Variants in LRBA observed in about 807,000 individuals in gnomAD.
LRBA encodes LPS responsive beige-like anchor protein.
A neutral mutation model predicts 330.0 loss-of-function variants in LRBA; 176 were observed. The observed-to-expected ratio is 0.53, with a 90% CI of 0.47 to 0.60. The LOEUF (loss-of-function observed/expected upper bound fraction) is 0.60, where lower values mean the gene tolerates loss of function less well. Among genes scored for constraint, LRBA ranks in the 20% least tolerant of loss-of-function variants. The probability of loss-of-function intolerance (pLI) is 0.00; values close to 1 mark genes in which losing one functional copy is unlikely to be tolerated. For synonymous variants in LRBA, 1,230 were observed against 1,193.0 expected (o/e 1.03, Z -0.64); for missense variants, 3,259 against 3,444.8 (o/e 0.95, Z 1.35).
intron 34 of LRBA, among the ~76,000 whole-genome samples, chr4:150,783,986 G>A (rs1324033558): frequency 6.6e-6 from 1 of 152,146 alleles, no homozygotes; most frequent in Non-Finnish European, 1.5e-5. Flanking sequence ...TATGTACTCA[G>A]AGATAAAATC....
At chr4:150,570,200 G>A (rs1449812227) in intron 40 of LRBA, among the ~76,000 whole-genome samples, 2 of 152,190 alleles carry the variant, frequency 1.3e-5, no homozygotes, top group Admixed American at 1.3e-4. Flanking sequence ...ATAAAATACT[G>A]AATGAAATTG....
At chr4:150,384,070 G>C (rs942265014) in intron 47 of LRBA, among the ~76,000 whole-genome samples, 1 of 150,974 alleles carries the variant, frequency 6.6e-6, no homozygotes, top group Non-Finnish European at 1.5e-5. Flanking sequence ...ACAGAGTTTT[G>C]TTCTTGTTGC....
chr4:150,535,862 T>C (rs991782831), intron 40 of LRBA, among the ~76,000 whole-genome samples: 4 of 152,112 alleles, frequency 2.6e-5, no homozygotes, highest in Admixed American at 1.3e-4. Context: ...AGAGGTGGTG[T>C]AGTTAAGAAC....
At chr4:150,622,811 C>T (rs1776439718) in intron 37 of LRBA, among the ~76,000 whole-genome samples, 1 of 151,612 alleles carries the variant, frequency 6.6e-6, no homozygotes, top group African/African-American at 2.4e-5. Context: ...CATTCTCCTG[C>T]CTCAGCCTCC....
In LRBA at chr4:150,906,354, C is replaced by T; in HGVS notation, c.1545G>A (p.Met515Ile). The T allele has an allele frequency of 6.2e-7, 1 of 1,612,874 alleles. No homozygotes were observed. Among genetic ancestry groups the T allele is most frequent in the East Asian group, 2.2e-5 (1 of 44,824 alleles). ...IMELLKNSIA[M>I]QEQMLACKGF... ...CCTTACAGGCAAGCATCTGTTCCTG[C>T]ATAGCAATTGAGTTCTTCAACAATT... The change falls in exon 12 of 57, where the codon ATG becomes ATA. Residue 515 changes from methionine (M) to isoleucine (I), a missense_variant. Transcript: ENST00000651943.
chr4:150,498,988 T>C (rs547154857), intron 40 of LRBA, among the ~76,000 whole-genome samples: 24 of 152,170 alleles, frequency 1.6e-4, no homozygotes, highest in Non-Finnish European at 2.9e-4. Flanking sequence ...CCTTCTATTT[T>C]ATAAGGAAAG....
At chr4:150,270,820 T>C (rs1000564327) in intron 56 of LRBA, among the ~76,000 whole-genome samples, 1 of 152,226 alleles carries the variant, frequency 6.6e-6, no homozygotes, top group Non-Finnish European at 1.5e-5. Flanking sequence ...ACTCTCCATA[T>C]GCAGAGATAT....
At chr4:150,368,496 T>C (rs576410462) in intron 47 of LRBA, among the ~76,000 whole-genome samples, 14 of 152,314 alleles carry the variant, frequency 9.2e-5, no homozygotes, top group Admixed American at 2.0e-4. Flanking sequence ...AGAACATTAC[T>C]GAAGCATTTT....
intron 35 of LRBA, among the ~76,000 whole-genome samples, chr4:150,754,635 C>T (rs920936909): frequency 1.3e-5 from 2 of 150,846 alleles, no homozygotes; most frequent in African/African-American, 4.9e-5. Context: ...CAACTGTTTA[C>T]AAGATGTAAT....
intron 53 of LRBA, among the ~76,000 whole-genome samples, chr4:150,288,201 G>A (rs962690253): frequency 1.8e-4 from 28 of 151,570 alleles, no homozygotes; most frequent in African/African-American, 6.0e-4. Flanking sequence ...CCGTGGTCTC[G>A]ATCTCCTGAC....
intron 40 of LRBA, among the ~76,000 whole-genome samples, chr4:150,508,029 A>G (rs946684040): frequency 4.3e-5 from 6 of 140,356 alleles, no homozygotes; most frequent in African/African-American, 1.1e-4. Flanking sequence ...ATTGAAAAAT[A>G]AGAACACATG....
chr4:150,691,654 C>T (rs961494795), intron 36 of LRBA, among the ~76,000 whole-genome samples: 1 of 152,094 alleles, frequency 6.6e-6, no homozygotes, highest in African/African-American at 2.4e-5. Context: ...TTCTTGTAAG[C>T]TTAAACATAT....
chr4:150,329,199 T>C (rs1360056856), intron 48 of LRBA, among the ~76,000 whole-genome samples: 1 of 152,214 alleles, frequency 6.6e-6, no homozygotes, highest in African/African-American at 2.4e-5. Context: ...GAAAAGGCTG[T>C]GGAATTCTCA....
intron 37 of LRBA, among the ~76,000 whole-genome samples, chr4:150,673,182 T>C (rs549691180): frequency 2.8e-4 from 43 of 152,312 alleles, no homozygotes; most frequent in African/African-American, 1.0e-3. Flanking sequence ...AATCTCTATA[T>C]ATCACTGTAT....
At chr4:150,951,872 A>C (rs1329062967) in intron 2 of LRBA, among the ~76,000 whole-genome samples, 1 of 152,210 alleles carries the variant, frequency 6.6e-6, no homozygotes, top group African/African-American at 2.4e-5. Flanking sequence ...AAATAAAACA[A>C]AGTATGATTT....
intron 2 of LRBA, among the ~76,000 whole-genome samples, chr4:150,967,055 C>A (rs902253824): frequency 6.6e-6 from 1 of 152,144 alleles, no homozygotes; most frequent in Non-Finnish European, 1.5e-5. Flanking sequence ...CAAGTAAACA[C>A]TGGTTTTTAA....
At chr4:150,824,590 T>C (rs923266646) in intron 30 of LRBA, among the ~76,000 whole-genome samples, 3 of 152,222 alleles carry the variant, frequency 2.0e-5, no homozygotes, top group Non-Finnish European at 4.4e-5. Flanking sequence ...TCCCTCTATA[T>C]GCAGTTTTTT....
chr4:150,471,941 G>C lies in LRBA; in HGVS notation c.6552-202C>G, dbSNP rs7673944. Among the ~76,000 whole-genome samples, 59,734 of 151,790 alleles carry C rather than the reference G, an allele frequency of 0.39. 12,309 individuals carry two copies. The highest frequency in any genetic ancestry group is 0.47 in the Non-Finnish European group (32,239 of 67,880). On this transcript the variant is annotated intron_variant, in intron 42 of 56. Transcript: ENST00000651943. ...TAGCCACAGAGGTATTATACATGTT[G>C]TATTCATTCAGGTAAGCTGTCATTA... is the stretch of plus-strand genomic sequence containing the variant.
At chr4:150,820,295 T>C (rs544861780) in intron 30 of LRBA, among the ~76,000 whole-genome samples, 1 of 152,156 alleles carries the variant, frequency 6.6e-6, no homozygotes, top group South Asian at 2.1e-4. Context: ...TTCCCCATGT[T>C]GACCTTTCTT....
Sources: allele counts gnomAD v4.1 joint callset (sites outside exome capture counted in the v4.1 genomes callset), GRCh38; gene constraint gnomAD v4.1.1; transcripts MANE v1.5; gene names NCBI Gene and HGNC (gene_info 2026-07-23, HGNC 2026-07-21).